Variants in CMIP observed in about 807,000 individuals in gnomAD.
CMIP encodes the protein C-Maf-inducing protein.
A neutral mutation model predicts 97.3 loss-of-function variants in CMIP; 13 were observed. The ratio of observed to expected loss-of-function variants is 0.13; its 90% CI spans 0.09 to 0.21. CMIP has a LOEUF of 0.21. Among genes scored for constraint, CMIP ranks in the 10% least tolerant of loss-of-function variants. The pLI, the probability that CMIP is intolerant of heterozygous loss-of-function variation, is 1.00. For synonymous variants in CMIP, 538 were observed against 436.3 expected (o/e 1.23, Z -2.91); for missense variants, 847 against 1,024.9 (o/e 0.83, Z 2.37).
At chr16:81,698,843 G>A (rs542180092) in intron 14 of CMIP, among the ~76,000 whole-genome samples, 1 of 152,308 alleles carries the variant, frequency 6.6e-6, no homozygotes, top group Admixed American at 6.5e-5. Context: ...CCTCATGTAA[G>A]TGGAGTCAGA....
intron 3 of CMIP, among the ~76,000 whole-genome samples, chr16:81,622,753 T>A (rs1193120135): frequency 6.6e-6 from 1 of 152,184 alleles, no homozygotes; most frequent in African/African-American, 2.4e-5. Flanking sequence ...GTCCACATTT[T>A]CAACAGTGAC....
chr16:81,692,583 T>G (rs2151081418), intron 11 of CMIP, among the ~76,000 whole-genome samples: 1 of 152,314 alleles, frequency 6.6e-6, no homozygotes, highest in Middle Eastern at 3.4e-3. Context: ...TAAGGGCACA[T>G]TACACGCAGT....
intron 1 of CMIP, among the ~76,000 whole-genome samples, chr16:81,532,596 A>G (rs2090260591): frequency 6.6e-6 from 1 of 152,072 alleles, no homozygotes; most frequent in Non-Finnish European, 1.5e-5. Context: ...GAGTCGGGAG[A>G]ACCTTTCCCA....
At chr16:81,686,389 T>C (rs12934449) in intron 10 of CMIP, among the ~76,000 whole-genome samples, 147,204 of 152,312 alleles carry the variant, frequency 0.97, 71,187 homozygotes, top group East Asian at 1. Context: ...AACCCCAGGC[T>C]GCACCTGGGC....
chr16:81,613,794 C>G (rs577558794), intron 2 of CMIP, among the ~76,000 whole-genome samples: 2 of 152,342 alleles, frequency 1.3e-5, no homozygotes, highest in Admixed American at 1.3e-4. Context: ...ATCCATCTAT[C>G]CGCCCACCCA....
intron 1 of CMIP, among the ~76,000 whole-genome samples, chr16:81,487,064 C>T (rs1452775850): frequency 1.3e-5 from 2 of 152,036 alleles, no homozygotes; most frequent in South Asian, 2.1e-4. Context: ...CACCAGGCCT[C>T]GGAGAAACAG....
At chr16:81,493,640 C>G (rs977773697) in intron 1 of CMIP, among the ~76,000 whole-genome samples, 1 of 152,220 alleles carries the variant, frequency 6.6e-6, no homozygotes, top group Non-Finnish European at 1.5e-5. Flanking sequence ...CTCGTTCCCA[C>G]TCTCCGCATG....
chr16:81,669,964 C>T (rs1319575516), intron 7 of CMIP, among the ~76,000 whole-genome samples, 178 bp from the exon 8 acceptor site: 1 of 152,232 alleles, frequency 6.6e-6, no homozygotes, highest in Non-Finnish European at 1.5e-5. Context: ...TGTCGCAGTG[C>T]TATTCTTTGA....
intron 1 of CMIP, among the ~76,000 whole-genome samples, chr16:81,506,785 G>A (rs2089716944): frequency 6.6e-6 from 1 of 152,000 alleles, no homozygotes; most frequent in African/African-American, 2.4e-5. Flanking sequence ...TGCGCCTATA[G>A]CCCCAGCTAT....
intron 1 of CMIP, among the ~76,000 whole-genome samples, chr16:81,563,292 G>A (rs1047174971): frequency 5.3e-5 from 8 of 152,220 alleles, no homozygotes; most frequent in African/African-American, 1.9e-4. Context: ...GGGATCATGG[G>A]CTCATACCTT....
rs1349155465 is a variant in CMIP at position 81,558,010 on chromosome 16, G to A, written c.301-49557G>A. On this transcript the variant is annotated intron_variant, in intron 1 of 20. Coordinates refer to ENST00000537098, the MANE Select transcript of CMIP (RefSeq NM_198390.3). The stretch of plus-strand genomic sequence containing the variant: ...ATGCTCTGTCTCTACGAATTTGACT[G>A]CTCTAAGTACTTCTTGTAAATGCAG... Among the ~76,000 whole-genome samples the A allele has an allele frequency of 1.3e-5, 2 of 152,108 alleles. 1 individual carries two copies. Among genetic ancestry groups the A allele is most frequent in the Admixed American group, 1.3e-4 (2 of 15,278 alleles).
At chr16:81,639,016 T>A (rs2092271580) in intron 3 of CMIP, among the ~76,000 whole-genome samples, 2 of 152,160 alleles carry the variant, frequency 1.3e-5, no homozygotes, top group Admixed American at 6.5e-5. Flanking sequence ...CAGAGAGCCT[T>A]TCCAGAATGC....
At chr16:81,676,880 G>A (rs985591966) in intron 9 of CMIP, among the ~76,000 whole-genome samples, 3 of 152,298 alleles carry the variant, frequency 2.0e-5, no homozygotes, top group African/African-American at 7.2e-5. Context: ...AAGCCTGGGA[G>A]CCCCTTTAGA....
chr16:81,473,194 G>A (rs557746204), intron 1 of CMIP, among the ~76,000 whole-genome samples: 71 of 152,190 alleles, frequency 4.7e-4, no homozygotes, highest in Non-Finnish European at 9.1e-4. Context: ...TGCTTATGTC[G>A]GCCTCTGTCT....
chr16:81,627,454 G>A lies in CMIP; in HGVS notation c.477+6528G>A, dbSNP rs566478098. Among the ~76,000 whole-genome samples, 67 of 152,182 alleles carry A rather than the reference G, an allele frequency of 4.4e-4. No individual in the cohort carries two copies. Among genetic ancestry groups the A allele is most frequent in the Non-Finnish European group, 7.8e-4 (53 of 67,972 alleles). ...CATGCGCCATCATCAGTGTCTCCAA[G>A]TGGGTCCGACATGGTGGGAGCAGCT... On this transcript the variant is annotated intron_variant, in intron 3 of 20. Coordinates refer to ENST00000537098, the MANE Select transcript of CMIP (RefSeq NM_198390.3). This position sits in a 1 kb window ranked among gnomAD's most constrained non-coding sequence, Gnocchi z 4.6.
At position 81,616,209 on chromosome 16, in the gene CMIP, A is replaced by G. The variant is rs186718584; in HGVS notation, c.427-4667A>G. 2.7e-4 allele frequency among the ~76,000 whole-genome samples: 40 copies of G among 146,744 alleles called. No individual in the cohort carries two copies. The highest frequency in any genetic ancestry group is 5.2e-4 in the Non-Finnish European group (35 of 67,280). On this transcript the variant is annotated intron_variant, in intron 2 of 20. Coordinates refer to ENST00000537098, the MANE Select transcript of CMIP (RefSeq NM_198390.3). The surrounding 1 kb of genome is among the most constrained non-coding windows in gnomAD (Gnocchi z 4.7). ...CACTGGAGCAGTCGCAGTTAATCCTACGTGGATCCTGCCTCCTCTCCCAAT... is the reference window on the plus strand; with the variant it reads ...CACTGGAGCAGTCGCAGTTAATCCTGCGTGGATCCTGCCTCCTCTCCCAAT...
intron 1 of CMIP, among the ~76,000 whole-genome samples, chr16:81,452,157 A>T (rs998257460): frequency 1.3e-5 from 2 of 152,164 alleles, no homozygotes; most frequent in Non-Finnish European, 2.9e-5. Flanking sequence ...TGGGGTGTGC[A>T]GTGAGGCCAC....
At position 81,444,988 on chromosome 16, in the gene CMIP, C is replaced by T. The variant is rs1367968845; in HGVS notation, c.-254C>T. ...CCCGTCGCCCGCCGAGCCCGGTCAG[C>T]CGCCGCGAGCATGCACCCGACGAGC... On this transcript the variant is annotated 5_prime_UTR_variant, in exon 1 of 21. Transcript: ENST00000537098. Among the ~76,000 whole-genome samples, 1 of 143,112 alleles carries T rather than the reference C, an allele frequency of 7.0e-6. No homozygotes were observed. Among genetic ancestry groups the T allele is most frequent in the Non-Finnish European group, 1.5e-5 (1 of 64,652 alleles). The allele number at this position is 143,112 out of a possible 152,430, so 93.9% of individuals were successfully genotyped here.
chr16:81,674,003 C>G (rs1317290566), intron 9 of CMIP, among the ~76,000 whole-genome samples: 1 of 152,200 alleles, frequency 6.6e-6, no homozygotes, highest in Non-Finnish European at 1.5e-5. Flanking sequence ...AAATGCCGTA[C>G]TGCTGAGTTC....
Sources: allele counts gnomAD v4.1 joint callset (sites outside exome capture counted in the v4.1 genomes callset), GRCh38; gene constraint gnomAD v4.1.1; non-coding constraint Gnocchi (gnomAD v3.1); transcripts MANE v1.5; gene names NCBI Gene and HGNC (gene_info 2026-07-23, HGNC 2026-07-21).